The following ARHGEF28 variants were observed in gnomAD, a reference collection of about 807,000 sequenced individuals.
ARHGEF28 encodes the protein 190 kDa guanine nucleotide exchange factor.
A neutral mutation model predicts 206.6 loss-of-function variants in ARHGEF28; 152 were observed. That is an observed-to-expected ratio of 0.74 (90% confidence interval 0.64 to 0.84). ARHGEF28 has a LOEUF of 0.84. ARHGEF28 is among the 40% of genes least tolerant of loss of function. The pLI, the probability that ARHGEF28 is intolerant of heterozygous loss-of-function variation, is 0.00. For synonymous variants in ARHGEF28, 763 were observed against 776.4 expected (o/e 0.98, Z 0.29); for missense variants, 2,028 against 2,073.2 (o/e 0.98, Z 0.42).
chr5:73,768,931 T>C (rs1753061116), intron 4 of ARHGEF28, among the ~76,000 whole-genome samples: 1 of 152,016 alleles, frequency 6.6e-6, no homozygotes, highest in Non-Finnish European at 1.5e-5. Flanking sequence ...CTCATGATAG[T>C]GAATGAGGCT....
intron 14 of ARHGEF28, among the ~76,000 whole-genome samples, chr5:73,853,260 G>A (rs747453373): frequency 6.6e-6 from 1 of 152,228 alleles, no homozygotes; most frequent in Non-Finnish European, 1.5e-5. Flanking sequence ...GCAGACCAGT[G>A]TGCAAGCATG....
Position 73,840,501 on chromosome 5 carries a change from T to C in ARHGEF28, c.1168T>C (p.Tyr390His). Residue 390 changes from tyrosine to histidine, a missense_variant, in exon 11 of 36, where the codon TAT (tyrosine) becomes CAT (histidine). Around this residue, in one of 3 missense-constraint regions of ARHGEF28, gnomAD observed 1,002 missense variants for 1,015.3 expected, o/e 0.99. Coordinates refer to ENST00000513042, the MANE Select transcript of ARHGEF28 (RefSeq NM_001177693.2). ...IDQVGDLDIS[Y>H]INIEGITATT... ...CCAGGTTGGTGATTTGGATATCAGC[T>C]ATATTAATATAGAGGGAATCACTGC... The C allele has an allele frequency of 6.2e-7, 1 of 1,613,734 alleles. No individual in the cohort carries two copies.
chr5:73,645,238 A>G (rs112047978), intron 1 of ARHGEF28, among the ~76,000 whole-genome samples: 1 of 152,006 alleles, frequency 6.6e-6, no homozygotes, highest in Non-Finnish European at 1.5e-5. Flanking sequence ...CTGGTCTCAT[A>G]CTCCTGAGCT....
At chr5:73,693,154 G>A (rs1747949216) in intron 2 of ARHGEF28, among the ~76,000 whole-genome samples, 1 of 152,092 alleles carries the variant, frequency 6.6e-6, no homozygotes, top group Non-Finnish European at 1.5e-5. Flanking sequence ...CAGAAAATTT[G>A]TTAGTGGCAG....
At chr5:73,874,045 C>G (rs1760278492) in intron 22 of ARHGEF28, among the ~76,000 whole-genome samples, 1 of 152,172 alleles carries the variant, frequency 6.6e-6, no homozygotes, top group Non-Finnish European at 1.5e-5. Flanking sequence ...GATATTGACA[C>G]TATTTTTAAT....
chr5:73,882,330 G>C, intron 22 of ARHGEF28, 142 bp from the exon 23 acceptor site: 2 of 604,278 alleles, frequency 3.3e-6, no homozygotes, highest in Non-Finnish European at 5.3e-6. Context: ...TGTCTGAGGA[G>C]ATAAGTGATT....
chr5:73,705,074 T>C (rs936520570), intron 2 of ARHGEF28, among the ~76,000 whole-genome samples: 1 of 152,210 alleles, frequency 6.6e-6, no homozygotes, highest in African/African-American at 2.4e-5. Context: ...ACTGAGGTAT[T>C]TAGACATTTT....
intron 24 of ARHGEF28, among the ~76,000 whole-genome samples, chr5:73,885,375 T>C (rs1028410918): frequency 6.6e-6 from 1 of 152,202 alleles, no homozygotes; most frequent in African/African-American, 2.4e-5. Context: ...AAGGACTATG[T>C]GTCAGCTGAA....
At chr5:73,755,676 A>G (rs1446847789) in intron 4 of ARHGEF28, among the ~76,000 whole-genome samples, 1 of 152,206 alleles carries the variant, frequency 6.6e-6, no homozygotes, top group Non-Finnish European at 1.5e-5. Context: ...ATAGAAGCAT[A>G]CAGTTTTCCA....
chr5:73,683,118 G>T (rs539895517), intron 1 of ARHGEF28, among the ~76,000 whole-genome samples: 26 of 151,626 alleles, frequency 1.7e-4, no homozygotes, highest in East Asian at 1.4e-3. Flanking sequence ...GTGATGCTGG[G>T]TTTTTTTTGT....
intron 9 of ARHGEF28, among the ~76,000 whole-genome samples, chr5:73,814,778 T>A (rs1235453128): frequency 7.2e-5 from 11 of 152,130 alleles, no homozygotes; most frequent in Admixed American, 7.2e-4. Context: ...GCTTCAAGCA[T>A]CTTCTTTCTT....
intron 2 of ARHGEF28, among the ~76,000 whole-genome samples, chr5:73,693,970 C>G (rs967504467): frequency 6.6e-6 from 1 of 152,206 alleles, no homozygotes; most frequent in African/African-American, 2.4e-5. Context: ...GCCTGGCCAG[C>G]AGCCACGAGA....
intron 14 of ARHGEF28, among the ~76,000 whole-genome samples, chr5:73,854,272 T>C (rs1389481761): frequency 6.6e-6 from 1 of 152,152 alleles, no homozygotes; most frequent in East Asian, 1.9e-4. Flanking sequence ...ATTCTCTTAT[T>C]TGTATTAATC....
intron 11 of ARHGEF28, among the ~76,000 whole-genome samples, chr5:73,842,084 G>A (rs1486604309): frequency 6.6e-6 from 1 of 152,070 alleles, no homozygotes; most frequent in African/African-American, 2.4e-5. Flanking sequence ...CTGTATATCT[G>A]TATCTGTCTA....
At chr5:73,932,802 T>A (rs1465976519) in intron 35 of ARHGEF28, among the ~76,000 whole-genome samples, 1 of 113,882 alleles carries the variant, frequency 8.8e-6, no homozygotes, top group Non-Finnish European at 1.8e-5. Context: ...TCCTATTTCT[T>A]TTTTTTTTTT....
In ARHGEF28 at chr5:73,776,586, C is replaced by G. The variant is rs1410539869; in HGVS notation, c.730C>G (p.His244Asp). 6.2e-7 allele frequency: 1 copy of G among 1,613,874 alleles called. No homozygotes were observed. Among genetic ancestry groups the G allele is most frequent in the Non-Finnish European group, 8.5e-7 (1 of 1,179,878 alleles). The change falls in exon 6 of 36, where the codon CAC becomes GAC. Residue 244 changes from histidine (H) to aspartate (D), a missense_variant. Transcript: ENST00000513042. ...LSEEASLHYI[H>D]SSETLTLTLN... ...TGAAGAAGCCTCCTTGCATTACATT[C>G]ACTCATCGGAAACGCTGACCCTGAC...
At chr5:73,780,539 G>A (rs1049868703) in intron 6 of ARHGEF28, 137 bp from the exon 7 acceptor site, 56 of 834,524 alleles carry the variant, frequency 6.7e-5, no homozygotes, top group East Asian at 1.6e-4. Context: ...TTCTCCCAGC[G>A]GCTTTCACCC....
chr5:73,846,146 A>C (rs1758340115), intron 11 of ARHGEF28, 122 bp from the exon 12 acceptor site: 2 of 839,188 alleles, frequency 2.4e-6, no homozygotes, highest in Non-Finnish European at 3.7e-6. Context: ...GTTGGAAATT[A>C]AATGAATACC....
intron 33 of ARHGEF28, chr5:73,905,229 T>C (rs1490143811): frequency 6.6e-6 from 1 of 151,792 alleles, no homozygotes; most frequent in African/African-American, 2.4e-5. Context: ...CCCCTCCTTA[T>C]GAGAATCTAA....
Sources: gnomAD v4.1 joint callset for allele counts (sites outside exome capture counted in the v4.1 genomes callset) on GRCh38, gnomAD v4.1.1 for gene constraint, gnomAD v4.1.1 regional missense constraint, MANE v1.5 for transcripts, NCBI Gene and HGNC (gene_info 2026-07-23, HGNC 2026-07-21) for gene names.